OTUB1: variants seen among roughly 807,000 people sequenced by gnomAD.
The protein encoded by OTUB1 is OTU deubiquitinase, ubiquitin aldehyde binding 1, also known as ubiquitin thioesterase OTUB1.
Under a neutral mutation model 35.8 loss-of-function variants are expected in OTUB1, and 10 were observed. The observed-to-expected ratio is 0.28, with a 90% CI of 0.17 to 0.47. OTUB1 has a LOEUF of 0.47. OTUB1 is among the 20% of genes least tolerant of loss of function. The pLI is 0.99. For synonymous variants in OTUB1, 158 were observed against 143.8 expected (o/e 1.10, Z -0.71); for missense variants, 264 against 351.6 (o/e 0.75, Z 1.99).
intron 4 of OTUB1, 83 bp downstream of exon 4, chr11:63,996,731 G>A: frequency 6.2e-7 from 1 of 1,612,112 alleles, no homozygotes; most frequent in Non-Finnish European, 8.5e-7. Context: ...CGAGTAGGGT[G>A]TCTCCCTCCT....
intron 3 of OTUB1, among the ~76,000 whole-genome samples, chr11:63,992,368 G>A (rs190387872): frequency 4.0e-4 from 61 of 151,544 alleles, no homozygotes; most frequent in African/African-American, 1.4e-3. Flanking sequence ...ACCCAGGCCC[G>A]AGGCGAGAGG....
Position 63,991,181 on chromosome 11 carries a change from A to T in OTUB1, c.219+2429A>T, listed in dbSNP as rs1942669342. On this transcript the variant is annotated intron_variant, in intron 3 of 6. Coordinates refer to ENST00000538426, the MANE Select transcript of OTUB1 (RefSeq NM_017670.3). ...TCGGGCAACACCCTGAAGCTCTTGG[A>T]TCCCCTGTTCTCTCTGGGCGGGGAC... Among the ~76,000 whole-genome samples, 3 of 152,122 alleles carry T rather than the reference A, an allele frequency of 2.0e-5. No individual in the cohort carries two copies. The South Asian group carries it at 6.2e-4, about 32-fold the overall frequency.
At chr11:63,991,656 A>G (rs1243309199) in intron 3 of OTUB1, among the ~76,000 whole-genome samples, 1 of 152,200 alleles carries the variant, frequency 6.6e-6, no homozygotes, top group African/African-American at 2.4e-5. Flanking sequence ...AATCCCTGGC[A>G]CAGAGAGTGT....
chr11:63,997,016 C>G (rs320150), intron 5 of OTUB1, 34 bp from the exon 6 acceptor site: 1 of 1,612,174 alleles, frequency 6.2e-7, no homozygotes, highest in Non-Finnish European at 8.5e-7. Flanking sequence ...ATCTCCTCCC[C>G]GTCATCTTGC....
At position 63,988,558 on chromosome 11, in the gene OTUB1, G is replaced by T. The variant is rs181133600; in HGVS notation, c.121-96G>T. 2,572 of 1,247,938 alleles carry T rather than the reference G, an allele frequency of 2.1e-3. 5 individuals carry two copies. Among genetic ancestry groups the T allele is most frequent in the Non-Finnish European group, 2.7e-3 (2,282 of 850,648 alleles). The allele number at this position is 1,247,938 out of a possible 1,614,324, so 77.3% of individuals were successfully genotyped here. On this transcript the variant is annotated intron_variant, in intron 2 of 6. Transcript: ENST00000538426. ...CTTTTCTGGGGGTCGCTGTGCCACC[G>T]GGTGACCAGCCCAGCTCTTTTGTAG...
intron 3 of OTUB1, among the ~76,000 whole-genome samples, chr11:63,993,011 TGA>T (rs1942686313): frequency 6.6e-6 from 1 of 152,230 alleles, no homozygotes; most frequent in African/African-American, 2.4e-5. Context: ...CTTGCTGGGG[TGA>T]GAATAAACTC....
intron 3 of OTUB1, among the ~76,000 whole-genome samples, chr11:63,992,777 C>G (rs370520635): frequency 1.3e-5 from 2 of 152,338 alleles, no homozygotes; most frequent in South Asian, 4.1e-4. Flanking sequence ...TCTTGAACTC[C>G]TGACCTCAAA....
rs770089126 is a variant in OTUB1 at position 63,996,607 on chromosome 11, C to T, written c.297C>T (p.Ser99=). ...GTTTCTATCGGGCTTTCGGATTCTC[C>T]CACTTGGAGGCACTGCTGGATGACA... is the stretch of plus-strand genomic sequence containing the variant. ...GNCFYRAFGF[S]HLEALLDDSK... is the part of the protein sequence containing the mutation. The change falls in exon 4 of 7, where the codon TCC becomes TCT. Residue 99 remains serine, a synonymous_variant. Coordinates refer to ENST00000538426, the MANE Select transcript of OTUB1 (RefSeq NM_017670.3). The T allele has an allele frequency of 1.1e-5, 17 of 1,614,112 alleles. No homozygotes were observed. The highest frequency in any genetic ancestry group is 1.2e-5 in the Non-Finnish European group (14 of 1,180,044).
At chr11:63,993,520 C>T (rs1210342739) in intron 3 of OTUB1, among the ~76,000 whole-genome samples, 17 of 151,944 alleles carry the variant, frequency 1.1e-4, no homozygotes, top group African/African-American at 3.6e-4. Flanking sequence ...AAAAATTAGC[C>T]GGGCATAGTG....
At chr11:63,989,104 G>C (rs1057263581) in intron 3 of OTUB1, 1 of 191,696 alleles carries the variant, frequency 5.2e-6, no homozygotes, top group African/African-American at 2.3e-5. Context: ...TGGATCCCCT[G>C]AGGTCAGGAG....
intron 3 of OTUB1, chr11:63,990,111 C>G (rs1242596404): frequency 1.3e-5 from 2 of 151,878 alleles, no homozygotes; most frequent in Non-Finnish European, 2.9e-5. Context: ...CATACGGGGG[C>G]TGACCAGGCT....
intron 3 of OTUB1, among the ~76,000 whole-genome samples, chr11:63,993,556 C>T (rs1022742792): frequency 2.0e-5 from 3 of 151,318 alleles, no homozygotes; most frequent in African/African-American, 4.9e-5. Flanking sequence ...CCCAGCTACT[C>T]AGGAGGCTGA....
chr11:63,988,571 A>C (rs1942641520), intron 2 of OTUB1, 83 bp from the exon 3 acceptor site: 1 of 1,286,928 alleles, frequency 7.8e-7, no homozygotes, highest in Non-Finnish European at 1.1e-6. Context: ...TGACCAGCCC[A>C]GCTCTTTTGT....
chr11:63,986,816 G>T (rs1942625075), intron 1 of OTUB1: 2 of 376,784 alleles, frequency 5.3e-6, no homozygotes, highest in Middle Eastern at 6.8e-4. Flanking sequence ...CCTGGCTCCA[G>T]GGGCCCCGAG....
rs1242293841 is a variant in OTUB1, at chr11:63,997,928, A to G, written c.*382A>G. 3 of 601,782 alleles carry G rather than the reference A, an allele frequency of 5.0e-6. No homozygotes were observed. The highest frequency in any genetic ancestry group is 8.9e-6 in the Non-Finnish European group (3 of 338,258). The allele number at this position is 601,782 out of a possible 1,614,324, so 37.3% of individuals were successfully genotyped here. A position where few individuals can be genotyped will look rare whatever the true frequency, so the allele number is the denominator to read the frequency against. On this transcript the variant is annotated 3_prime_UTR_variant, in exon 7 of 7. Coordinates refer to ENST00000538426, the MANE Select transcript of OTUB1 (RefSeq NM_017670.3). ...TTCTATGGGATCCTGGAAGTTCCTT[A>G]GGGACTTGCCCAGGGTCCCAGGGCC... is the stretch of plus-strand genomic sequence containing the variant.
intron 3 of OTUB1, 136 bp from the exon 4 acceptor site, chr11:63,996,394 A>T: frequency 1.2e-6 from 1 of 867,056 alleles, no homozygotes; most frequent in Non-Finnish European, 1.8e-6. Context: ...AGCCTGTTTC[A>T]GGGACCCAGG....
Position 63,997,903 on chromosome 11 carries a change from T to A in OTUB1, c.*357T>A. 1.6e-6 allele frequency: 1 copy of A among 610,882 alleles called. No homozygotes were observed. The highest frequency in any genetic ancestry group is 2.9e-6 in the Non-Finnish European group (1 of 343,054). 37.8% of individuals were successfully genotyped at this position (610,882 alleles called of 1,614,324 possible). On this transcript the variant is annotated 3_prime_UTR_variant, in exon 7 of 7. Coordinates refer to ENST00000538426, the MANE Select transcript of OTUB1 (RefSeq NM_017670.3). Reference sequence around the variant, plus strand: ...TTCCCTTCTTAGCTGGCTCAGGGGCTTCTATGGGATCCTGGAAGTTCCTTA... The same window carrying A: ...TTCCCTTCTTAGCTGGCTCAGGGGCATCTATGGGATCCTGGAAGTTCCTTA...
chr11:63,996,906 T>C lies in OTUB1; in HGVS notation c.388T>C (p.Phe130Leu). 6.2e-7 allele frequency: 1 copy of C among 1,614,084 alleles called. No homozygotes were observed. The highest frequency in any genetic ancestry group is 8.5e-7 in the Non-Finnish European group (1 of 1,179,960). Reference protein sequence around the residue: ...KSKEDLVSQGFTEFTIEDFHN... With the variant: ...KSKEDLVSQGLTEFTIEDFHN... ...CAAGGAAGACCTGGTGTCCCAGGGC[T>C]TCACTGAATTCACAATTGAGGATTT... Residue 130 changes from phenylalanine (F) to leucine (L), a missense_variant, in exon 5 of 7, where the codon TTC becomes CTC. This residue lies in a region of OTUB1 where 214 missense variants were observed against 317.1 expected (regional missense o/e 0.67). Transcript: ENST00000538426.
rs146440826 is a variant in OTUB1, at chr11:63,996,362, C to T, written c.220-168C>T. On this transcript the variant is annotated intron_variant, in intron 3 of 6. Transcript: ENST00000538426. ...TTTGGGAGGACTCTGGGCAGTGGGCCGCTCCCATTGCCACATTCAGCAGCC... is the reference window on the plus strand; with the variant it reads ...TTTGGGAGGACTCTGGGCAGTGGGCTGCTCCCATTGCCACATTCAGCAGCC... Among the ~76,000 whole-genome samples the T allele has an allele frequency of 8.8e-3, 1,345 of 152,298 alleles. 25 individuals are homozygous for T. Among genetic ancestry groups the T allele is most frequent in the African/African-American group, 0.031 (1,268 of 41,552 alleles).
Sources: allele counts gnomAD v4.1 joint callset (sites outside exome capture counted in the v4.1 genomes callset), GRCh38; gene constraint gnomAD v4.1.1; regional missense constraint gnomAD v4.1.1; transcripts MANE v1.5; gene names NCBI Gene and HGNC (gene_info 2026-07-23, HGNC 2026-07-21).